The following CD86 variants were observed in gnomAD, a reference collection of about 807,000 sequenced individuals.
The protein encoded by CD86 is CD86 molecule.
Under a neutral mutation model 32.1 loss-of-function variants are expected in CD86, and 11 were observed. That is an observed-to-expected ratio of 0.34 (90% CI 0.22 to 0.57). The LOEUF is 0.57. Among genes scored for constraint, CD86 ranks in the 20% least tolerant of loss-of-function variants. CD86 has a pLI of 0.86. For missense variants in CD86, 359 were observed against 398.4 expected (o/e 0.90, Z 0.84); for synonymous variants, 137 against 135.3 (o/e 1.01, Z -0.09).
chr3:122,116,708 T>G (rs2073256718), intron 5 of CD86, among the ~76,000 whole-genome samples: 1 of 152,196 alleles, frequency 6.6e-6, no homozygotes, highest in African/African-American at 2.4e-5. Flanking sequence ...TGCAAAGCTA[T>G]AGAAAGGAAT....
intron 3 of CD86, among the ~76,000 whole-genome samples, chr3:122,105,175 G>A (rs555682573): frequency 6.6e-6 from 1 of 152,306 alleles, no homozygotes; most frequent in African/African-American, 2.4e-5. Flanking sequence ...TTTTAGGTGG[G>A]ACACAGATAA....
rs376622479 is a variant in CD86, at chr3:122,099,120, A to G, written c.65-4392A>G. Among the ~76,000 whole-genome samples the G allele has an allele frequency of 5.9e-4, 90 of 152,362 alleles. 1 individual carries two copies. In the South Asian group the frequency reaches 0.017, roughly 29 times the overall value. On this transcript the variant is annotated intron_variant, in intron 2 of 6. Coordinates refer to ENST00000330540, the MANE Select transcript of CD86 (RefSeq NM_175862.5). The stretch of plus-strand genomic sequence containing the variant: ...GGAAAGTATGGAGAATAAGAAGACC[A>G]AGAACATGCACTCAAGGTTACCAAA...
chr3:122,064,120 A>G (rs1021466246), intron 1 of CD86, among the ~76,000 whole-genome samples: 5 of 152,130 alleles, frequency 3.3e-5, no homozygotes, highest in African/African-American at 1.2e-4. Flanking sequence ...GAGGCAGTGC[A>G]TAAACCATGC....
At chr3:122,095,248 G>A (rs575450302) in intron 2 of CD86, among the ~76,000 whole-genome samples, 11 of 149,886 alleles carry the variant, frequency 7.3e-5, no homozygotes, top group African/African-American at 2.5e-4. Flanking sequence ...CTTGGCTCAC[G>A]GCAACCCCCG....
chr3:122,067,979 G>A (rs2072437546), intron 1 of CD86, among the ~76,000 whole-genome samples: 1 of 152,120 alleles, frequency 6.6e-6, no homozygotes, highest in South Asian at 2.1e-4. Flanking sequence ...GTTGACAAAT[G>A]TACATTTTAA....
At chr3:122,116,918 T>C (rs1054091491) in intron 5 of CD86, among the ~76,000 whole-genome samples, 1 of 152,312 alleles carries the variant, frequency 6.6e-6, no homozygotes, top group East Asian at 1.9e-4. Flanking sequence ...TATTTTGGCT[T>C]ATAAAAATGT....
intron 3 of CD86, among the ~76,000 whole-genome samples, chr3:122,105,332 C>G (rs2715257): frequency 0.9 from 136,688 of 152,268 alleles, 61,675 homozygotes; most frequent in East Asian, 1. Flanking sequence ...TCCAAGAAGA[C>G]TGCTCAAATA....
chr3:122,077,856 T>C (rs2072575437), intron 1 of CD86: 2 of 985,400 alleles, frequency 2.0e-6, no homozygotes, highest in Non-Finnish European at 2.4e-6. Flanking sequence ...TTCCCCTTTC[T>C]GTATTTGAGT....
intron 5 of CD86, among the ~76,000 whole-genome samples, chr3:122,110,918 CAAAG>C (rs1386352861): frequency 2.0e-5 from 3 of 151,966 alleles, no homozygotes; most frequent in African/African-American, 7.3e-5. Context: ...ACAAATGAAA[CAAAG>C]AAGGGTTGGA....
chr3:122,084,324 A>G (rs1430058429), intron 1 of CD86, among the ~76,000 whole-genome samples: 16 of 152,218 alleles, frequency 1.1e-4, no homozygotes, highest in Admixed American at 9.8e-4. Flanking sequence ...GATCTAGAGC[A>G]GGAGTCAAGC....
intron 1 of CD86, among the ~76,000 whole-genome samples, chr3:122,067,348 CAA>C (rs1301986143): frequency 3.3e-5 from 5 of 152,108 alleles, no homozygotes; most frequent in Non-Finnish European, 7.4e-5. Context: ...ATCGTCCAAA[CAA>C]GAGGTGACAA....
intron 3 of CD86, among the ~76,000 whole-genome samples, chr3:122,105,550 C>A (rs1474080328): frequency 6.6e-6 from 1 of 152,132 alleles, no homozygotes; most frequent in African/African-American, 2.4e-5. Flanking sequence ...GTGAGAATGG[C>A]AAAGGCAAGA....
intron 2 of CD86, among the ~76,000 whole-genome samples, chr3:122,102,406 CTTTTTTTTTTTT>C (rs1011413952): frequency 2.1e-4 from 12 of 56,158 alleles, no homozygotes; most frequent in East Asian, 1.4e-3. Flanking sequence ...CCACTGCTTA[CTTTTTTTTTTTT>C]TTTTTTTTTT....
At chr3:122,116,428 T>A (rs1486126020) in intron 5 of CD86, among the ~76,000 whole-genome samples, 2 of 152,086 alleles carry the variant, frequency 1.3e-5, no homozygotes, top group Non-Finnish European at 2.9e-5. Context: ...ATTAAAACGA[T>A]AATGAGATAC....
chr3:122,075,678 T>A (rs1158738750), intron 1 of CD86, among the ~76,000 whole-genome samples: 1 of 152,110 alleles, frequency 6.6e-6, no homozygotes, highest in Non-Finnish European at 1.5e-5. Flanking sequence ...TCTAGCTAAG[T>A]TGGAGAATAA....
chr3:122,114,716 G>T (rs1241552064), intron 5 of CD86, among the ~76,000 whole-genome samples: 1 of 152,058 alleles, frequency 6.6e-6, no homozygotes, highest in Non-Finnish European at 1.5e-5. Flanking sequence ...CAAAAATCAG[G>T]CAATAACCTT....
intron 4 of CD86, among the ~76,000 whole-genome samples, chr3:122,106,719 C>T (rs2073097257): frequency 6.6e-6 from 1 of 151,982 alleles, no homozygotes; most frequent in Admixed American, 6.6e-5. Context: ...TGCTTTTAGC[C>T]CTGAAACTGA....
chr3:122,121,115 TAATA>T lies in CD86; in HGVS notation c.*1585_*1588del, dbSNP rs1180899525. 4.6e-5 allele frequency: 7 copies of T among 152,276 alleles called. No homozygotes were observed. The allele number at this position is 152,276 out of a possible 1,614,324, so 9.4% of individuals were successfully genotyped here. A position where few individuals can be genotyped will look rare whatever the true frequency, so the allele number is the denominator to read the frequency against. On this transcript the variant is annotated 3_prime_UTR_variant, in exon 7 of 7. Coordinates refer to ENST00000330540, the MANE Select transcript of CD86 (RefSeq NM_175862.5). ...AACATGTTTTGTGCAGCACAGTTTT[TAATA>T]AATGCTTGTTACATTCATTTAAAAG...
Position 122,119,556 on chromosome 3 carries a change from A to G in CD86, c.*22A>G. ...TTAATTAAAGAGTAAAGCCCATACA[A>G]GTATTCATTTTTTCTACCCTTTCCT... On this transcript the variant is annotated 3_prime_UTR_variant, in exon 7 of 7. Coordinates refer to ENST00000330540, the MANE Select transcript of CD86 (RefSeq NM_175862.5). 1 of 1,433,692 alleles carries G rather than the reference A, an allele frequency of 7.0e-7. No individual in the cohort carries two copies. The highest frequency in any genetic ancestry group is 9.8e-7 in the Non-Finnish European group (1 of 1,022,082). 88.8% of individuals were successfully genotyped at this position (1,433,692 alleles called of 1,614,324 possible).
Sources: allele counts gnomAD v4.1 joint callset (sites outside exome capture counted in the v4.1 genomes callset), GRCh38; gene constraint gnomAD v4.1.1; transcripts MANE v1.5; gene names NCBI Gene and HGNC (gene_info 2026-07-23, HGNC 2026-07-21).